IFT74: variants seen among roughly 807,000 people sequenced by gnomAD.
IFT74 encodes intraflagellar transport protein 74 homolog.
IFT74 carries 92 observed loss-of-function variants against 96.7 expected under a neutral mutation model. The ratio of observed to expected loss-of-function variants is 0.95; its 90% CI spans 0.80 to 1.13. The LOEUF (loss-of-function observed/expected upper bound fraction) is 1.13. Ranked by LOEUF, IFT74 falls within the 50% of genes most tolerant of loss-of-function variation. The pLI, the probability that IFT74 is intolerant of heterozygous loss-of-function variation, is 0.00. For missense variants in IFT74, 811 were observed against 698.2 expected, an observed-to-expected ratio of 1.16 and a Z score of -1.82; for synonymous variants, 223 against 213.2, an observed-to-expected ratio of 1.05 and a Z score of -0.40.
intron 13 of IFT74, among the ~76,000 whole-genome samples, chr9:27,041,717 TA>T (rs967133900): frequency 2.6e-5 from 4 of 152,186 alleles, no homozygotes; most frequent in Non-Finnish European, 5.9e-5. Flanking sequence ...ATATATTTGC[TA>T]AAAACCATTA....
At chr9:26,949,006 T>C (rs2131449848) in intron 1 of IFT74, among the ~76,000 whole-genome samples, 1 of 152,338 alleles carries the variant, frequency 6.6e-6, no homozygotes, top group Non-Finnish European at 1.5e-5. Flanking sequence ...GTTTATCTTC[T>C]GTTTTTTTCT....
rs986532122 is a variant in IFT74, at chr9:26,961,095, T to C, written c.-19-854T>C. 2.8e-4 allele frequency among the ~76,000 whole-genome samples: 42 copies of C among 150,170 alleles called. 1 individual carries two copies. Among genetic ancestry groups the C allele is most frequent in the Admixed American group, 2.7e-3 (40 of 15,088 alleles). On this transcript the variant is annotated intron_variant, in intron 1 of 19. Transcript: ENST00000380062. The stretch of plus-strand genomic sequence containing the variant: ...AGAAGTGAATCTTGTTTTTTTTTTT[T>C]TTTTTTGGGTGGGGGGATGGAGTCT...
At chr9:27,010,533 G>T (rs1398349401) in intron 9 of IFT74, among the ~76,000 whole-genome samples, 1 of 140,970 alleles carries the variant, frequency 7.1e-6, no homozygotes, top group Non-Finnish European at 1.5e-5. Context: ...TCTGTCGCCC[G>T]GGCTGGAGTG....
At chr9:27,034,686 A>T (rs577030079) in intron 13 of IFT74, among the ~76,000 whole-genome samples, 1 of 151,926 alleles carries the variant, frequency 6.6e-6, no homozygotes, top group Non-Finnish European at 1.5e-5. Flanking sequence ...GCGCCACCAC[A>T]CCTGGCTAAT....
At chr9:27,045,495 A>G in intron 14 of IFT74, among the ~76,000 whole-genome samples, 1 of 152,180 alleles carries the variant, frequency 6.6e-6, no homozygotes, top group Admixed American at 6.5e-5. Context: ...ATTGTTTATT[A>G]GCCCTCACAT....
At chr9:26,992,473 A>T (rs757417851) in intron 8 of IFT74, among the ~76,000 whole-genome samples, 1 of 152,108 alleles carries the variant, frequency 6.6e-6, no homozygotes, top group Non-Finnish European at 1.5e-5. Flanking sequence ...TGGGTGGATC[A>T]CCTGAGGTCA....
At chr9:27,016,197 T>C (rs1829332832) in intron 10 of IFT74, among the ~76,000 whole-genome samples, 1 of 152,190 alleles carries the variant, frequency 6.6e-6, no homozygotes, top group Non-Finnish European at 1.5e-5. Flanking sequence ...TTGCTCTGCT[T>C]CTTCCTAGCT....
chr9:27,052,775 T>C (rs936886975), intron 16 of IFT74, among the ~76,000 whole-genome samples: 1 of 152,152 alleles, frequency 6.6e-6, no homozygotes, highest in Non-Finnish European at 1.5e-5. Flanking sequence ...CCTCAAGAAA[T>C]TTTTTTGTAT....
chr9:27,036,518 T>G lies in IFT74; in HGVS notation c.1054+7414T>G, dbSNP rs368693086. On this transcript the variant is annotated intron_variant, in intron 13 of 19. Coordinates refer to ENST00000380062, the MANE Select transcript of IFT74 (RefSeq NM_025103.4). ...AAGTTTCAAAAAGCAAGTTTGAACCTGCCATGTGCTAAGCACTATGCTGAA... is the reference window on the plus strand; with the variant it reads ...AAGTTTCAAAAAGCAAGTTTGAACCGGCCATGTGCTAAGCACTATGCTGAA... The G allele has an allele frequency of 3.4e-4, 547 of 1,613,348 alleles. 1 individual carries two copies. Among genetic ancestry groups the G allele is most frequent in the Non-Finnish European group, 4.2e-4 (491 of 1,179,650 alleles).
chr9:27,008,329 A>T (rs1828886554), intron 8 of IFT74, among the ~76,000 whole-genome samples: 1 of 152,054 alleles, frequency 6.6e-6, no homozygotes, highest in Non-Finnish European at 1.5e-5. Context: ...TGGCTAAAGG[A>T]TGCTTTAAAA....
intron 16 of IFT74, among the ~76,000 whole-genome samples, chr9:27,048,576 G>A (rs1819795167): frequency 6.6e-6 from 1 of 152,214 alleles, no homozygotes; most frequent in African/African-American, 2.4e-5. Flanking sequence ...ATACAGCGTG[G>A]CAGTAAGGCA....
intron 16 of IFT74, among the ~76,000 whole-genome samples, chr9:27,051,573 A>G (rs895799725): frequency 2.0e-5 from 3 of 151,914 alleles, no homozygotes; most frequent in African/African-American, 7.3e-5. Context: ...CTGAATAACA[A>G]CTCCATATTT....
intron 2 of IFT74, among the ~76,000 whole-genome samples, chr9:26,977,588 A>G (rs1164472762): frequency 6.6e-6 from 1 of 152,148 alleles, no homozygotes; most frequent in Non-Finnish European, 1.5e-5. Flanking sequence ...TCCCAGATTC[A>G]AGCGACTCTC....
At chr9:26,992,244 TA>T (rs1179478688) in intron 8 of IFT74, among the ~76,000 whole-genome samples, 1 of 152,226 alleles carries the variant, frequency 6.6e-6, no homozygotes, top group African/African-American at 2.4e-5. Flanking sequence ...CATAGATTTT[TA>T]CATCTATTTG....
chr9:27,057,251 G>C (rs1009414028), intron 18 of IFT74, among the ~76,000 whole-genome samples: 1 of 152,080 alleles, frequency 6.6e-6, no homozygotes, highest in African/African-American at 2.4e-5. Flanking sequence ...AGGATGCGTA[G>C]ATATATATAC....
chr9:26,972,751 T>C (rs926654826), intron 2 of IFT74, among the ~76,000 whole-genome samples: 32 of 152,184 alleles, frequency 2.1e-4, no homozygotes, highest in African/African-American at 7.7e-4. Flanking sequence ...CACAATTCAC[T>C]CAATCCATTC....
chr9:26,955,318 C>T (rs142178141), upstream of IFT74, among the ~76,000 whole-genome samples: 157 of 152,240 alleles, frequency 1.0e-3, no homozygotes, highest in African/African-American at 3.6e-3. Flanking sequence ...ATTGCAGTCT[C>T]GGAAACGATG....
At chr9:26,958,446 T>A (rs1489176843) in intron 1 of IFT74, among the ~76,000 whole-genome samples, 1 of 152,092 alleles carries the variant, frequency 6.6e-6, no homozygotes, top group East Asian at 1.9e-4. Flanking sequence ...TCCACCTGAG[T>A]CAGTGATGCC....
intron 12 of IFT74, among the ~76,000 whole-genome samples, chr9:27,026,859 A>T (rs115582855): frequency 6.6e-6 from 1 of 152,208 alleles, no homozygotes; most frequent in East Asian, 1.9e-4. Context: ...TTAAGTGCCT[A>T]CATCAAAAAG....
Sources: allele counts gnomAD v4.1 joint callset (sites outside exome capture counted in the v4.1 genomes callset), GRCh38; gene constraint gnomAD v4.1.1; transcripts MANE v1.5; gene names NCBI Gene and HGNC (gene_info 2026-07-23, HGNC 2026-07-21).